CSMD1: variants seen among roughly 807,000 people sequenced by gnomAD.
CSMD1 encodes CUB and sushi domain-containing protein 1.
In CSMD1, 213 loss-of-function variants were observed where a neutral mutation model predicts 417.5. The ratio of observed to expected loss-of-function variants is 0.51; its 90% CI spans 0.46 to 0.57. The LOEUF (loss-of-function observed/expected upper bound fraction) is 0.57, where lower values mean the gene tolerates loss of function less well. Among genes scored for constraint, CSMD1 ranks in the 20% least tolerant of loss-of-function variants. The probability of loss-of-function intolerance (pLI) is 0.00; values close to 1 mark genes in which losing one functional copy is unlikely to be tolerated. For synonymous variants in CSMD1, 2,862 were observed against 1,736.8 expected (o/e 1.65, Z -16.11); for missense variants, 6,923 against 4,529.7 (o/e 1.53, Z -15.17).
chr8:3,084,892 TAC>T, intron 49 of CSMD1, among the ~76,000 whole-genome samples: 2 of 151,520 alleles, frequency 1.3e-5, no homozygotes, highest in South Asian at 4.2e-4. Flanking sequence ...TACTTTTTGC[TAC>T]ATTTTGTTTT....
At chr8:3,741,700 T>A (rs369880323) in intron 6 of CSMD1, among the ~76,000 whole-genome samples, 16 of 152,314 alleles carry the variant, frequency 1.1e-4, no homozygotes, top group Middle Eastern at 3.4e-3. Flanking sequence ...CTACACAAAA[T>A]TTCTCCTCTC....
chr8:4,595,665 G>A (rs1273122085), intron 2 of CSMD1, among the ~76,000 whole-genome samples: 1 of 152,146 alleles, frequency 6.6e-6, no homozygotes, highest in East Asian at 1.9e-4. Context: ...TACTGGGGAG[G>A]CTGAGGCTGG....
At chr8:4,191,341 A>G (rs1799020007) in intron 3 of CSMD1, among the ~76,000 whole-genome samples, 1 of 152,202 alleles carries the variant, frequency 6.6e-6, no homozygotes, top group Admixed American at 6.5e-5. Context: ...GCCTGCAGTG[A>G]GCAGAGATCG....
chr8:3,668,486 A>T (rs1798820201), intron 7 of CSMD1, among the ~76,000 whole-genome samples: 1 of 152,166 alleles, frequency 6.6e-6, no homozygotes, highest in Admixed American at 6.5e-5. Flanking sequence ...GGGATATTAC[A>T]AGGAGAACGG....
intron 3 of CSMD1, among the ~76,000 whole-genome samples, chr8:4,220,113 C>A (rs1270458371): frequency 6.6e-6 from 1 of 152,036 alleles, no homozygotes; most frequent in Non-Finnish European, 1.5e-5. Context: ...CCATGCCCAG[C>A]TGATTTTTTG....
At chr8:3,862,090 G>A (rs1309083568) in intron 5 of CSMD1, among the ~76,000 whole-genome samples, 1 of 152,104 alleles carries the variant, frequency 6.6e-6, no homozygotes, top group Non-Finnish European at 1.5e-5. Flanking sequence ...TGCCATCAGT[G>A]AAAATACACT....
chr8:4,864,843 T>C (rs1009508849), intron 1 of CSMD1, among the ~76,000 whole-genome samples: 3 of 149,066 alleles, frequency 2.0e-5, no homozygotes, highest in African/African-American at 7.4e-5. Context: ...TTAAAGTAAT[T>C]GGCCTAATAT....
At chr8:2,980,644 G>A (rs1478100192) in intron 54 of CSMD1, among the ~76,000 whole-genome samples, 2 of 151,790 alleles carry the variant, frequency 1.3e-5, no homozygotes, top group Admixed American at 6.6e-5. Context: ...GTTCCACCAC[G>A]GCTGGTGAAG....
At position 4,934,285 on chromosome 8, in the gene CSMD1, T is replaced by C. The variant is rs80061929; in HGVS notation, c.85+60047A>G. Among the ~76,000 whole-genome samples, 224 of 152,302 alleles carry C rather than the reference T, an allele frequency of 1.5e-3. 7 individuals are homozygous for C. The East Asian group carries it at 0.017, about 12-fold the overall frequency. On this transcript the variant is annotated intron_variant, in intron 1 of 69. Coordinates refer to ENST00000635120, the MANE Select transcript of CSMD1 (RefSeq NM_033225.6). ...TTCCCCACAGAATGCTTTGGGACCA[T>C]CCAACATACAGTTGTCCATATCAAC...
chr8:3,316,808 A>G (rs59999446), intron 23 of CSMD1, among the ~76,000 whole-genome samples: 2,636 of 152,248 alleles, frequency 0.017, 74 homozygotes, highest in African/African-American at 0.059. Flanking sequence ...GGGGAAGGCA[A>G]CGGAGAAGAC....
chr8:4,052,288 G>T (rs1478034456), intron 3 of CSMD1, among the ~76,000 whole-genome samples: 2 of 152,172 alleles, frequency 1.3e-5, no homozygotes, highest in Non-Finnish European at 2.9e-5. Flanking sequence ...TTTGGCAAAA[G>T]ATTAGAGAAG....
intron 8 of CSMD1, among the ~76,000 whole-genome samples, chr8:3,607,789 G>A (rs188625569): frequency 1.4e-4 from 21 of 152,304 alleles, no homozygotes; most frequent in Middle Eastern, 3.4e-3. Flanking sequence ...ATACTCCTTT[G>A]TGGAAAGACT....
chr8:4,824,870 T>C (rs1248388270), intron 1 of CSMD1, among the ~76,000 whole-genome samples: 1 of 152,162 alleles, frequency 6.6e-6, no homozygotes. Context: ...AATGTCATTG[T>C]AATAGAACGT....
At chr8:4,683,358 T>C (rs1806164469) in intron 1 of CSMD1, among the ~76,000 whole-genome samples, 1 of 152,100 alleles carries the variant, frequency 6.6e-6, no homozygotes, top group Admixed American at 6.6e-5. Flanking sequence ...TTGGAGTGGT[T>C]CTCCAAGCCG....
chr8:3,380,782 C>A (rs1810580684), intron 18 of CSMD1, among the ~76,000 whole-genome samples: 1 of 151,904 alleles, frequency 6.6e-6, no homozygotes. Context: ...AGAAGAAATA[C>A]CTAATGTAGA....
intron 4 of CSMD1, among the ~76,000 whole-genome samples, chr8:4,022,278 G>T (rs2554583): frequency 0.84 from 126,884 of 151,124 alleles, 53,525 homozygotes; most frequent in African/African-American, 0.93. Context: ...TATCTCTTAT[G>T]TATTTCAGAT....
intron 33 of CSMD1, among the ~76,000 whole-genome samples, chr8:3,191,792 C>G (rs1478856237): frequency 2.0e-5 from 3 of 152,034 alleles, no homozygotes; most frequent in Non-Finnish European, 2.9e-5. Flanking sequence ...ATAGTTATGC[C>G]CTTTGAAATT....
intron 2 of CSMD1, among the ~76,000 whole-genome samples, chr8:4,571,099 G>A (rs1798872598): frequency 6.6e-6 from 1 of 151,988 alleles, no homozygotes; most frequent in African/African-American, 2.4e-5. Context: ...ATCAGCTCCT[G>A]GATTCACTGA....
chr8:4,136,846 G>C (rs1349366248), intron 3 of CSMD1, among the ~76,000 whole-genome samples: 1 of 152,082 alleles, frequency 6.6e-6, no homozygotes, highest in Non-Finnish European at 1.5e-5. Context: ...ACAAACTCTA[G>C]GTTTGCTTTG....
Sources: gnomAD v4.1 joint callset for allele counts (sites outside exome capture counted in the v4.1 genomes callset) on GRCh38, gnomAD v4.1.1 for gene constraint, MANE v1.5 for transcripts, NCBI Gene and HGNC (gene_info 2026-07-23, HGNC 2026-07-21) for gene names.